VWC2: variants seen among roughly 807,000 people sequenced by gnomAD.
VWC2 encodes von Willebrand factor C domain containing 2.
A neutral mutation model predicts 29.8 loss-of-function variants in VWC2; 14 were observed. The ratio of observed to expected loss-of-function variants is 0.47; its 90% CI spans 0.31 to 0.74. The LOEUF is 0.74. Among genes scored for constraint, VWC2 ranks in the 30% least tolerant of loss-of-function variants. VWC2 has a pLI of 0.05. For synonymous variants in VWC2, 213 were observed against 199.0 expected, an observed-to-expected ratio of 1.07 and a Z score of -0.59; for missense variants, 457 against 459.8, an observed-to-expected ratio of 0.99 and a Z score of 0.05.
At chr7:49,805,246 C>G (rs1192616160) in intron 3 of VWC2, among the ~76,000 whole-genome samples, 4 of 152,004 alleles carry the variant, frequency 2.6e-5, no homozygotes, top group African/African-American at 7.3e-5. Flanking sequence ...CCCTTTAACT[C>G]TATATTTTGA....
chr7:49,880,936 C>T (rs760174775), intron 3 of VWC2, among the ~76,000 whole-genome samples: 5 of 152,152 alleles, frequency 3.3e-5, no homozygotes, highest in Non-Finnish European at 7.4e-5. Context: ...ATGATGTAAT[C>T]ATCAGTTTAT....
At chr7:49,877,476 AAAAAAATATATATATATATAT>A (rs1791466844) in intron 3 of VWC2, among the ~76,000 whole-genome samples, 1 of 43,918 alleles carries the variant, frequency 2.3e-5, no homozygotes, top group Admixed American at 3.1e-4. Context: ...AAAAAAAAAA[AAAAAAATATATATATATATAT>A]ATATATATAT....
chr7:49,904,736 ATT>A (rs5884134), intron 3 of VWC2, among the ~76,000 whole-genome samples: 10 of 138,982 alleles, frequency 7.2e-5, no homozygotes, highest in African/African-American at 2.4e-4. Context: ...GCATATATTA[ATT>A]TTTTTTTTTT....
At chr7:49,909,159 T>G (rs1373328350) in intron 3 of VWC2, among the ~76,000 whole-genome samples, 1 of 152,222 alleles carries the variant, frequency 6.6e-6, no homozygotes, top group Non-Finnish European at 1.5e-5. Context: ...ACCAGATTTT[T>G]AATCCAGATT....
At chr7:49,871,533 T>G (rs1419509552) in intron 3 of VWC2, among the ~76,000 whole-genome samples, 1 of 152,158 alleles carries the variant, frequency 6.6e-6, no homozygotes, top group African/African-American at 2.4e-5. Flanking sequence ...TTATGTGTCT[T>G]TAAGCAGAAA....
chr7:49,814,796 T>G (rs939403936), intron 3 of VWC2, among the ~76,000 whole-genome samples: 1 of 151,524 alleles, frequency 6.6e-6, no homozygotes, highest in Non-Finnish European at 1.5e-5. Flanking sequence ...TTGAACTTGT[T>G]GTTGAGGACC....
At chr7:49,854,495 G>A (rs1274069009) in intron 3 of VWC2, among the ~76,000 whole-genome samples, 2 of 152,094 alleles carry the variant, frequency 1.3e-5, no homozygotes, top group African/African-American at 4.8e-5. Context: ...GTGTCTGTTG[G>A]CTGCATAAAT....
chr7:49,882,365 G>A (rs933070358), intron 3 of VWC2, among the ~76,000 whole-genome samples: 1 of 152,090 alleles, frequency 6.6e-6, no homozygotes, highest in Admixed American at 6.6e-5. Flanking sequence ...AAACATATCA[G>A]TATTTCACGT....
intron 3 of VWC2, among the ~76,000 whole-genome samples, chr7:49,833,505 G>A (rs1267310619): frequency 6.6e-6 from 1 of 152,148 alleles, no homozygotes; most frequent in African/African-American, 2.4e-5. Context: ...CTGAAGATGG[G>A]GTCTTACAGA....
intron 3 of VWC2, among the ~76,000 whole-genome samples, chr7:49,840,687 G>C (rs138216122): frequency 6.6e-6 from 1 of 152,258 alleles, no homozygotes; most frequent in African/African-American, 2.4e-5. Flanking sequence ...CTTCAGTGCA[G>C]CTTCAAAAGC....
In VWC2 at chr7:49,916,484, G is replaced by A. The variant is rs1284805538; in HGVS notation, c.*4299G>A. The A allele has an allele frequency of 6.6e-6, 1 of 152,128 alleles. No homozygotes were observed. The highest frequency in any genetic ancestry group is 2.4e-5 in the African/African-American group (1 of 41,430). 9.4% of individuals were successfully genotyped at this position (152,128 alleles called of 1,614,324 possible). On this transcript the variant is annotated 3_prime_UTR_variant, in exon 4 of 4. Transcript: ENST00000340652. ...CTTATTGGAAGAATTGTCACTCTAT[G>A]TCCCAGTAATAGTACTAATTTGGTT...
chr7:49,859,382 A>G (rs1790557132), intron 3 of VWC2, among the ~76,000 whole-genome samples: 1 of 152,190 alleles, frequency 6.6e-6, no homozygotes, highest in Admixed American at 6.5e-5. Flanking sequence ...TCTCATATAT[A>G]TCCTCCTTAA....
In VWC2 at chr7:49,916,061, C is replaced by A. The variant is rs1793706031; in HGVS notation, c.*3876C>A. On this transcript the variant is annotated 3_prime_UTR_variant, in exon 4 of 4. Coordinates refer to ENST00000340652, the MANE Select transcript of VWC2 (RefSeq NM_198570.5). The stretch of plus-strand genomic sequence containing the variant: ...CATATTTTTCACATTTCAGCTGCAA[C>A]TTCCAAAGATCAGGTTCTCATTGCT... The A allele has an allele frequency of 6.6e-6, 1 of 152,226 alleles. No individual in the cohort carries two copies. The highest frequency in any genetic ancestry group is 1.9e-4 in the East Asian group (1 of 5,204). 9.4% of individuals were successfully genotyped at this position (152,226 alleles called of 1,614,324 possible).
chr7:49,807,889 T>A (rs1788913830), intron 3 of VWC2, among the ~76,000 whole-genome samples: 1 of 152,162 alleles, frequency 6.6e-6, no homozygotes, highest in South Asian at 2.1e-4. Flanking sequence ...ATTTAAATAA[T>A]ACCAACACAT....
chr7:49,899,016 G>A (rs1207025210), intron 3 of VWC2, among the ~76,000 whole-genome samples: 1 of 151,990 alleles, frequency 6.6e-6, no homozygotes, highest in African/African-American at 2.4e-5. Flanking sequence ...CAGTCACTTT[G>A]AACATAAATG....
intron 3 of VWC2, among the ~76,000 whole-genome samples, chr7:49,845,293 G>GA (rs144167316): frequency 0.048 from 7,039 of 145,408 alleles, 534 homozygotes; most frequent in African/African-American, 0.16. Flanking sequence ...AAAGTCGAAG[G>GA]AAAAAAAAAA....
At chr7:49,875,813 G>A (rs868006995) in intron 3 of VWC2, among the ~76,000 whole-genome samples, 3 of 152,112 alleles carry the variant, frequency 2.0e-5, no homozygotes, top group South Asian at 2.1e-4. Context: ...GTTAGTATTG[G>A]TATTATTATT....
intron 2 of VWC2, among the ~76,000 whole-genome samples, chr7:49,779,971 C>T (rs2128701258): frequency 6.6e-6 from 1 of 152,312 alleles, no homozygotes; most frequent in East Asian, 1.9e-4. Flanking sequence ...AAAGACCTGT[C>T]TCCAGACAGT....
intron 3 of VWC2, among the ~76,000 whole-genome samples, chr7:49,884,690 G>T (rs1791820158): frequency 6.6e-6 from 1 of 152,136 alleles, no homozygotes. Context: ...GCCTGACTGT[G>T]TCAACACCTG....
Sources: allele counts gnomAD v4.1 joint callset (sites outside exome capture counted in the v4.1 genomes callset), GRCh38; gene constraint gnomAD v4.1.1; transcripts MANE v1.5; gene names NCBI Gene and HGNC (gene_info 2026-07-23, HGNC 2026-07-21).